The following C6orf89 variants were observed in gnomAD, a reference collection of about 807,000 sequenced individuals.
The protein encoded by C6orf89 is bombesin receptor-activated protein C6orf89.
In C6orf89, 29 loss-of-function variants were observed where a neutral mutation model predicts 40.7. The ratio of observed to expected loss-of-function variants is 0.71; its 90% CI spans 0.53 to 0.97. The LOEUF (loss-of-function observed/expected upper bound fraction) is 0.97, where lower values mean the gene tolerates loss of function less well. C6orf89 is among the 50% of genes least tolerant of loss of function. C6orf89 has a pLI of 0.00. For missense variants in C6orf89, 392 were observed against 429.1 expected (o/e 0.91, Z 0.76); for synonymous variants, 165 against 152.2 (o/e 1.08, Z -0.62).
intron 1 of C6orf89, among the ~76,000 whole-genome samples, 167 bp downstream of exon 1, chr6:36,886,195 C>T (rs575842547): frequency 1.8e-4 from 27 of 152,304 alleles, no homozygotes; most frequent in South Asian, 6.2e-4. Context: ...CTGACAGCAT[C>T]CCCTGGCAGC....
In C6orf89 at chr6:36,906,245, G is replaced by A. The variant is rs916442539; in HGVS notation, c.403+3811G>A. On this transcript the variant is annotated intron_variant, in intron 4 of 8. Transcript: ENST00000480824. ...TAAGACTTAGAGAGTCCAGATCTGTGCTCAAAGATGAACTGCTTAGACCGC... is the reference window on the plus strand; with the variant it reads ...TAAGACTTAGAGAGTCCAGATCTGTACTCAAAGATGAACTGCTTAGACCGC... Among the ~76,000 whole-genome samples the A allele has an allele frequency of 2.6e-5, 4 of 152,150 alleles. No individual in the cohort carries two copies. The East Asian group carries it at 7.7e-4, about 29-fold the overall frequency.
At chr6:36,907,916 T>C (rs1303102940) in intron 4 of C6orf89, among the ~76,000 whole-genome samples, 1 of 152,184 alleles carries the variant, frequency 6.6e-6, no homozygotes, top group Non-Finnish European at 1.5e-5. Context: ...GGATGGAATT[T>C]TGTTCACTTT....
At chr6:36,886,277 G>C (rs1422336653) in intron 1 of C6orf89, among the ~76,000 whole-genome samples, 1 of 152,180 alleles carries the variant, frequency 6.6e-6, no homozygotes, top group Non-Finnish European at 1.5e-5. Context: ...AAACGAGGTG[G>C]ACCTTGCTTG....
chr6:36,886,020 G>GC lies in C6orf89; in HGVS notation c.-124dup, dbSNP rs1215709480. The GC allele has an allele frequency of 1.6e-6, 2 of 1,257,250 alleles. No homozygotes were observed. The highest frequency in any genetic ancestry group is 3.1e-5 in the African/African-American group (2 of 64,510). The allele number at this position is 1,257,250 out of a possible 1,614,324, so 77.9% of individuals were successfully genotyped here. ...GGCGGGAGGAGCCCGAGGGGCGCGA[G>GC]CCCCGCATGTGAGTGACTGGGGCCC... On this transcript the variant is annotated 5_prime_UTR_variant, in exon 1 of 9. Transcript: ENST00000480824.
At chr6:36,899,386 AC>A (rs771626432) in intron 2 of C6orf89, 39 bp from the exon 3 acceptor site, 3 of 1,585,582 alleles carry the variant, frequency 1.9e-6, no homozygotes, top group African/African-American at 2.7e-5. Context: ...TAAAGAAACC[AC>A]CTTTCTTTTT....
At chr6:36,903,852 T>C (rs190348912) in intron 4 of C6orf89, among the ~76,000 whole-genome samples, 1 of 151,288 alleles carries the variant, frequency 6.6e-6, no homozygotes. Flanking sequence ...GGAGTTTTTG[T>C]TTTTTTTTAA....
chr6:36,890,226 G>T (rs1761145099), intron 1 of C6orf89, among the ~76,000 whole-genome samples: 1 of 152,128 alleles, frequency 6.6e-6, no homozygotes, highest in Non-Finnish European at 1.5e-5. Context: ...TGGGCACTGT[G>T]CTGTATAGTA....
intron 7 of C6orf89, among the ~76,000 whole-genome samples, chr6:36,917,746 G>A (rs1257976506): frequency 3.3e-5 from 5 of 152,162 alleles, no homozygotes; most frequent in African/African-American, 9.7e-5. Context: ...TCCTGCTGTC[G>A]CCGGCTGGAA....
chr6:36,899,721 CACT>C, intron 3 of C6orf89, 88 bp downstream of exon 3: 1 of 1,280,862 alleles, frequency 7.8e-7, no homozygotes, highest in Non-Finnish European at 1.1e-6. Flanking sequence ...CTAATCCCAC[CACT>C]GAGCATTGGT....
intron 2 of C6orf89, among the ~76,000 whole-genome samples, chr6:36,880,704 T>A (rs1265386128): frequency 6.6e-6 from 1 of 152,334 alleles, no homozygotes; most frequent in South Asian, 2.1e-4. Flanking sequence ...TTGGAGACAT[T>A]AAATTCTAAA....
intron 1 of C6orf89, among the ~76,000 whole-genome samples, chr6:36,888,352 C>T (rs1775070146): frequency 3.9e-5 from 6 of 152,252 alleles, no homozygotes. Context: ...AAATAAGTGG[C>T]CGAGTGCAGC....
Position 36,874,624 on chromosome 6 carries a change from GC to G in C6orf89, c.-628+2659del, listed in dbSNP as rs1452121584. Reference sequence around the variant, plus strand: ...TCCACGCCCCTCCACGTGGAGGCCGGCCTCCCGGAGGAACGCGCCAGGAACG... The same window carrying G: ...TCCACGCCCCTCCACGTGGAGGCCGGCTCCCGGAGGAACGCGCCAGGAACG... On this transcript the variant is annotated intron_variant, in intron 1 of 9. Transcript: ENST00000359359. The G allele has an allele frequency of 1.8e-5, 27 of 1,518,932 alleles. No individual in the cohort carries two copies. In the African/African-American group the frequency reaches 3.0e-4, roughly 17 times the overall value. 94.1% of individuals were successfully genotyped at this position (1,518,932 alleles called of 1,614,324 possible). A position where few individuals can be genotyped will look rare whatever the true frequency, so the allele number is the denominator to read the frequency against.
chr6:36,891,058 A>G (rs531431602), intron 1 of C6orf89, among the ~76,000 whole-genome samples: 2 of 152,042 alleles, frequency 1.3e-5, no homozygotes, highest in African/African-American at 4.8e-5. Context: ...GGTTTGTTAC[A>G]TATGTATATG....
intron 2 of C6orf89, among the ~76,000 whole-genome samples, chr6:36,895,396 A>G (rs1761384710): frequency 6.6e-6 from 1 of 152,196 alleles, no homozygotes; most frequent in Admixed American, 6.5e-5. Context: ...CTGCTAATCA[A>G]AAATGGCTTA....
intron 1 of C6orf89, chr6:36,874,573 C>T (rs372188657): frequency 3.5e-6 from 4 of 1,144,880 alleles, no homozygotes; most frequent in East Asian, 5.1e-5. Flanking sequence ...CCCTCTCAAC[C>T]CTCTGGGGGC....
Position 36,916,680 on chromosome 6 carries a change from G to A in C6orf89, c.825+106G>A, listed in dbSNP as rs373515629. ...GCATATTGGCTTAGAGGGTTACAGG[G>A]TGAATTGAGGGGACACCCACACAGT... is the stretch of plus-strand genomic sequence containing the variant. On this transcript the variant is annotated intron_variant, in intron 7 of 8. Transcript: ENST00000480824. The A allele has an allele frequency of 1.2e-5, 17 of 1,367,838 alleles. No homozygotes were observed. The African/African-American group carries it at 1.3e-4, about 10-fold the overall frequency. The allele number at this position is 1,367,838 out of a possible 1,614,324, so 84.7% of individuals were successfully genotyped here.
At chr6:36,901,220 G>A (rs1215778983) in intron 3 of C6orf89, among the ~76,000 whole-genome samples, 4 of 150,246 alleles carry the variant, frequency 2.7e-5, no homozygotes, top group African/African-American at 7.3e-5. Flanking sequence ...GACCTAAGGT[G>A]ATACACCCGC....
upstream of C6orf89, among the ~76,000 whole-genome samples, chr6:36,881,320 G>T (rs1321356514): frequency 2.0e-5 from 3 of 152,314 alleles, no homozygotes; most frequent in African/African-American, 7.2e-5. Flanking sequence ...GAGGGTTAAA[G>T]GATTGTTTTA....
At chr6:36,915,396 A>G (rs1353683458) in intron 6 of C6orf89, among the ~76,000 whole-genome samples, 2 of 152,194 alleles carry the variant, frequency 1.3e-5, no homozygotes, top group African/African-American at 4.8e-5. Context: ...GGGGACACTG[A>G]TAATAACTCT....
Sources: allele counts gnomAD v4.1 joint callset (sites outside exome capture counted in the v4.1 genomes callset), GRCh38; gene constraint gnomAD v4.1.1; transcripts MANE v1.5; gene names NCBI Gene and HGNC (gene_info 2026-07-23, HGNC 2026-07-21).